Variants in CLASP1 observed in about 807,000 individuals in gnomAD.
The protein encoded by CLASP1 is cytoplasmic linker associated protein 1.
CLASP1 carries 38 observed loss-of-function variants against 192.3 expected under a neutral mutation model. The observed-to-expected ratio is 0.20, with a 90% CI of 0.15 to 0.26. The LOEUF is 0.26. Among genes scored for constraint, CLASP1 ranks in the 10% least tolerant of loss-of-function variants. The pLI is 1.00. For missense variants in CLASP1, 1,433 were observed against 1,932.5 expected, an observed-to-expected ratio of 0.74 and a Z score of 4.85; for synonymous variants, 691 against 712.8, an observed-to-expected ratio of 0.97 and a Z score of 0.49.
chr2:121,469,804 T>C lies in CLASP1; in HGVS notation c.865+4A>G. 6.2e-7 allele frequency: 1 copy of C among 1,610,598 alleles called. No individual in the cohort carries two copies. On this transcript the variant is annotated splice_donor_region_variant and intron_variant, in intron 9 of 39. Transcript: ENST00000263710. ...CCAGAACGCCACACAGGGCTTAGAC[T>C]AACCTGAAGACTTGGATCCAAGGGT...
chr2:121,626,432 TATC>T (rs2068381504), intron 1 of CLASP1, among the ~76,000 whole-genome samples: 1 of 152,236 alleles, frequency 6.6e-6, no homozygotes, highest in African/African-American at 2.4e-5. Flanking sequence ...TGTATTAAGT[TATC>T]ATACAAATGC....
chr2:121,579,105 C>CA (rs1168840996), intron 2 of CLASP1, among the ~76,000 whole-genome samples: 1 of 152,194 alleles, frequency 6.6e-6, no homozygotes, highest in Non-Finnish European at 1.5e-5. Context: ...ACCGTCACAT[C>CA]ATAACAACAT....
intron 10 of CLASP1, 112 bp downstream of exon 10, chr2:121,462,420 C>T: frequency 1.6e-6 from 1 of 620,658 alleles, no homozygotes; most frequent in South Asian, 2.2e-5. Context: ...GTAGTGCTGA[C>T]AGTTAAAATT....
chr2:121,538,392 A>G (rs1325683610), intron 2 of CLASP1, among the ~76,000 whole-genome samples: 10 of 151,908 alleles, frequency 6.6e-5, no homozygotes, highest in Admixed American at 3.9e-4. Context: ...AGCCTGGGTG[A>G]TAAGAGCAAA....
At chr2:121,550,719 T>C (rs1457549842) in intron 2 of CLASP1, among the ~76,000 whole-genome samples, 1 of 151,972 alleles carries the variant, frequency 6.6e-6, no homozygotes, top group African/African-American at 2.4e-5. Context: ...AGCAGACAAA[T>C]AATGAGCTCC....
intron 2 of CLASP1, among the ~76,000 whole-genome samples, chr2:121,594,537 C>A (rs2062883775): frequency 6.6e-6 from 1 of 151,556 alleles, no homozygotes; most frequent in East Asian, 2.0e-4. Context: ...GGACTACAGG[C>A]ACCCGATACC....
chr2:121,598,794 T>C (rs550325913), intron 2 of CLASP1, among the ~76,000 whole-genome samples: 15 of 152,358 alleles, frequency 9.8e-5, no homozygotes, highest in Admixed American at 9.1e-4. Context: ...ATACCACATA[T>C]ACATCTGTCT....
intron 2 of CLASP1, among the ~76,000 whole-genome samples, chr2:121,532,091 G>A (rs528841890): frequency 6.6e-6 from 1 of 152,202 alleles, no homozygotes; most frequent in African/African-American, 2.4e-5. Context: ...TGCCTCTGGC[G>A]GCTGATAAAA....
At chr2:121,368,077 T>C (rs1240255485) in intron 34 of CLASP1, among the ~76,000 whole-genome samples, 1 of 152,226 alleles carries the variant, frequency 6.6e-6, no homozygotes, top group Non-Finnish European at 1.5e-5. Context: ...TGTAATTTGA[T>C]GATCCACTTT....
At position 121,530,682 on chromosome 2, in the gene CLASP1, C is replaced by T. The variant is rs2094760385; in HGVS notation, c.196-357G>A. 7.7e-6 allele frequency: 4 copies of T among 521,318 alleles called. 1 individual carries two copies. In the South Asian group the frequency reaches 1.2e-4, roughly 15 times the overall value. The allele number at this position is 521,318 out of a possible 1,614,324, so 32.3% of individuals were successfully genotyped here. On this transcript the variant is annotated intron_variant, in intron 2 of 39. Transcript: ENST00000263710. ...AATTTTCGAGCGGCCGACGCGCGGTCTTCTGGGTAAAACCGAGCCGCCGCT... is the reference window on the plus strand; with the variant it reads ...AATTTTCGAGCGGCCGACGCGCGGTTTTCTGGGTAAAACCGAGCCGCCGCT...
intron 35 of CLASP1, among the ~76,000 whole-genome samples, chr2:121,367,300 G>A (rs1018183285): frequency 6.6e-6 from 1 of 152,254 alleles, no homozygotes; most frequent in Non-Finnish European, 1.5e-5. Context: ...CCTGATGGTA[G>A]AGTTGGCCTT....
chr2:121,364,360 C>T lies in CLASP1; in HGVS notation c.4077+734G>A, dbSNP rs1399621828. The T allele has an allele frequency of 2.6e-5, 4 of 152,266 alleles. No homozygotes were observed. The East Asian group carries it at 7.7e-4, about 29-fold the overall frequency. The allele number at this position is 152,266 out of a possible 1,614,324, so 9.4% of individuals were successfully genotyped here. A position where few individuals can be genotyped will look rare whatever the true frequency, so the allele number is the denominator to read the frequency against. On this transcript the variant is annotated intron_variant, in intron 36 of 39. Coordinates refer to ENST00000263710, the Ensembl canonical transcript of CLASP1. ...CTCCATGTGGATGGAGAAACTTTTT[C>T]TTGTAGAGGTTTAATTCTGGTAATT...
intron 8 of CLASP1, among the ~76,000 whole-genome samples, chr2:121,486,646 C>G (rs73950976): frequency 5.6e-4 from 86 of 152,272 alleles, no homozygotes; most frequent in African/African-American, 2.0e-3. Context: ...TACATAGGCA[C>G]AAAAGTAAGT....
chr2:121,470,109 T>C (rs549165062), intron 8 of CLASP1, 149 bp from the exon 9 acceptor site: 12 of 704,614 alleles, frequency 1.7e-5, no homozygotes, highest in Middle Eastern at 2.5e-4. Flanking sequence ...CTCTAGGGTC[T>C]GGAAAGCCTT....
intron 2 of CLASP1, among the ~76,000 whole-genome samples, chr2:121,554,193 C>A (rs72971230): frequency 0.039 from 5,846 of 151,646 alleles, 161 homozygotes; most frequent in East Asian, 0.14. Flanking sequence ...CTGGCCTGAG[C>A]GACAAAGCAA....
intron 14 of CLASP1, 126 bp downstream of exon 14, chr2:121,457,561 T>C: frequency 1.5e-6 from 1 of 684,674 alleles, no homozygotes; most frequent in South Asian, 1.9e-5. Flanking sequence ...TCAAAGTCAT[T>C]TACTGCAGTG....
rs2094376843 is a variant in CLASP1, at chr2:121,518,414, C to T, written c.547-2652G>A. 3.3e-5 allele frequency among the ~76,000 whole-genome samples: 5 copies of T among 151,970 alleles called. No individual in the cohort carries two copies. The South Asian group carries it at 8.3e-4, about 25-fold the overall frequency. Reference sequence around the variant, plus strand: ...CCATCTACAAGCCAGGAAGAGAGCCCCAACCAGAACCCGGCCTCTAAAACT... The same window carrying T: ...CCATCTACAAGCCAGGAAGAGAGCCTCAACCAGAACCCGGCCTCTAAAACT... On this transcript the variant is annotated intron_variant, in intron 6 of 39. Coordinates refer to ENST00000263710, the Ensembl canonical transcript of CLASP1.
chr2:121,609,889 C>T (rs957746815), intron 1 of CLASP1, among the ~76,000 whole-genome samples: 34 of 152,094 alleles, frequency 2.2e-4, no homozygotes, highest in African/African-American at 8.0e-4. Context: ...TGCAGTGAGC[C>T]GATCACGCCA....
intron 28 of CLASP1, among the ~76,000 whole-genome samples, chr2:121,399,985 G>A (rs1202464828): frequency 6.6e-6 from 1 of 151,896 alleles, no homozygotes; most frequent in East Asian, 1.9e-4. Context: ...GTCCCAATGT[G>A]GCCACAACCG....
Sources: gnomAD v4.1 joint callset for allele counts (sites outside exome capture counted in the v4.1 genomes callset) on GRCh38, gnomAD v4.1.1 for gene constraint, MANE v1.5 for transcripts, NCBI Gene and HGNC (gene_info 2026-07-23, HGNC 2026-07-21) for gene names.